ITPR2: variants seen among roughly 807,000 people sequenced by gnomAD.
ITPR2 encodes inositol 1,4,5-trisphosphate receptor type 2.
Under a neutral mutation model 317.1 loss-of-function variants are expected in ITPR2, and 207 were observed. That is an observed-to-expected ratio of 0.65 (90% CI 0.58 to 0.73). The LOEUF (loss-of-function observed/expected upper bound fraction) is 0.73. Ranked by LOEUF, ITPR2 falls within the 30% of genes least tolerant of loss-of-function variation. ITPR2 has a pLI of 0.00. For missense variants in ITPR2, 2,613 were observed against 3,284.0 expected, an observed-to-expected ratio of 0.80 and a Z score of 4.99; for synonymous variants, 1,156 against 1,149.1, an observed-to-expected ratio of 1.01 and a Z score of -0.12.
chr12:26,396,288 C>T (rs888130620), intron 54 of ITPR2, among the ~76,000 whole-genome samples: 1 of 152,162 alleles, frequency 6.6e-6, no homozygotes, highest in South Asian at 2.1e-4. Flanking sequence ...CTCTCAGCCT[C>T]TTCCTGATCT....
chr12:26,437,235 C>T (rs1047228196), intron 47 of ITPR2, among the ~76,000 whole-genome samples: 2 of 152,084 alleles, frequency 1.3e-5, no homozygotes, highest in Non-Finnish European at 2.9e-5. Flanking sequence ...AAACTTAACA[C>T]CAGGATTAAA....
chr12:26,679,571 G>A (rs1054638497), intron 13 of ITPR2, among the ~76,000 whole-genome samples: 1 of 151,954 alleles, frequency 6.6e-6, no homozygotes, highest in African/African-American at 2.4e-5. Context: ...TTTCTTTATG[G>A]TTCTTCTAAT....
At chr12:26,449,488 T>G (rs1941688476) in intron 45 of ITPR2, among the ~76,000 whole-genome samples, 1 of 152,206 alleles carries the variant, frequency 6.6e-6, no homozygotes, top group African/African-American at 2.4e-5. Flanking sequence ...ACTTATTTTC[T>G]TCTTTCAAGC....
At chr12:26,605,120 A>G (rs1244387502) in intron 26 of ITPR2, among the ~76,000 whole-genome samples, 1 of 104,242 alleles carries the variant, frequency 9.6e-6, no homozygotes, top group Non-Finnish European at 2.0e-5. Context: ...AAAAATAAAA[A>G]ATAAAAATAT....
At chr12:26,528,658 C>T (rs181442154) in intron 37 of ITPR2, among the ~76,000 whole-genome samples, 3 of 152,306 alleles carry the variant, frequency 2.0e-5, no homozygotes, top group Admixed American at 6.5e-5. Context: ...TTTGATATTG[C>T]TGTCATCAAG....
chr12:26,733,851 TA>T (rs541644589), intron 2 of ITPR2, among the ~76,000 whole-genome samples: 34 of 151,912 alleles, frequency 2.2e-4, no homozygotes, highest in African/African-American at 5.5e-4. Flanking sequence ...ACACTGATAA[TA>T]AAAAAAATGT....
intron 2 of ITPR2, among the ~76,000 whole-genome samples, chr12:26,786,449 T>TAAAAAAAAAAAAAAAA (rs59014121): frequency 1.1e-4 from 13 of 119,214 alleles, no homozygotes; most frequent in African/African-American, 4.5e-4. Flanking sequence ...GAATGATCAA[T>TAAAAAAAAAAAAAAAA]AAAAAAAAAA....
intron 52 of ITPR2, among the ~76,000 whole-genome samples, chr12:26,403,949 A>G (rs1940262998): frequency 6.6e-6 from 1 of 152,106 alleles, no homozygotes; most frequent in Non-Finnish European, 1.5e-5. Flanking sequence ...GGGAGTTTGG[A>G]TTTTATTGGG....
chr12:26,655,674 C>T, intron 20 of ITPR2, 34 bp downstream of exon 20: 1 of 1,556,052 alleles, frequency 6.4e-7, no homozygotes. Context: ...TACCCAGTTA[C>T]CAAAACATCC....
chr12:26,410,006 G>T (rs139210415), intron 52 of ITPR2, among the ~76,000 whole-genome samples: 80 of 152,278 alleles, frequency 5.3e-4, no homozygotes, highest in African/African-American at 1.9e-3. Context: ...TGGCATTTTA[G>T]CCAAGAGTCA....
intron 37 of ITPR2, among the ~76,000 whole-genome samples, chr12:26,531,680 CACAA>C (rs369602717): frequency 1.3e-3 from 188 of 148,152 alleles, no homozygotes; most frequent in African/African-American, 3.2e-3. Context: ...CACACACACA[CACAA>C]GTGTGTATCT....
chr12:26,499,812 C>A (rs1411563650), intron 37 of ITPR2, among the ~76,000 whole-genome samples: 2 of 152,144 alleles, frequency 1.3e-5, no homozygotes, highest in East Asian at 3.9e-4. Context: ...AACTATTAAT[C>A]AGTCCTTAGA....
rs375118203 is a variant in ITPR2 at position 26,420,420 on chromosome 12, C to A, written c.6946-1207G>T. 8.1e-4 allele frequency among the ~76,000 whole-genome samples: 124 copies of A among 152,194 alleles called. 1 individual carries two copies. The South Asian group carries it at 0.025, about 31-fold the overall frequency. On this transcript the variant is annotated intron_variant, in intron 49 of 56. Coordinates refer to ENST00000381340, the MANE Select transcript of ITPR2 (RefSeq NM_002223.4). ...GATTTTTAAATAACATAAGAAGGAC[C>A]ATAACACTTTGAAGTAGATGTAAAA...
chr12:26,671,830 G>A (rs1338985222), intron 13 of ITPR2, among the ~76,000 whole-genome samples: 1 of 152,242 alleles, frequency 6.6e-6, no homozygotes, highest in South Asian at 2.1e-4. Flanking sequence ...ACACACATAG[G>A]CTCAAAATAA....
intron 34 of ITPR2, among the ~76,000 whole-genome samples, chr12:26,562,475 T>C (rs1358499828): frequency 6.6e-6 from 1 of 152,232 alleles, no homozygotes; most frequent in African/African-American, 2.4e-5. Context: ...GAAATTTATA[T>C]TTTAACAAGT....
chr12:26,727,604 T>A (rs1257893475), intron 2 of ITPR2, among the ~76,000 whole-genome samples: 1 of 152,202 alleles, frequency 6.6e-6, no homozygotes, highest in Non-Finnish European at 1.5e-5. Context: ...TGCTCCTGAG[T>A]GGTGGCTGAG....
chr12:26,553,295 T>C (rs1944574742), intron 36 of ITPR2, among the ~76,000 whole-genome samples: 1 of 152,230 alleles, frequency 6.6e-6, no homozygotes, highest in South Asian at 2.1e-4. Context: ...ATCATTGACC[T>C]ATTCTCTTCT....
chr12:26,695,277 G>A (rs1948318896), intron 10 of ITPR2, among the ~76,000 whole-genome samples: 1 of 152,102 alleles, frequency 6.6e-6, no homozygotes, highest in Non-Finnish European at 1.5e-5. Flanking sequence ...GAATAAAGAA[G>A]CCATGTTGTC....
Position 26,657,808 on chromosome 12 carries a change from C to A in ITPR2, c.2091G>T (p.Trp697Cys). ...DIDDEEVWLY[W>C]IDSNKEPHGK... ...CATGAGGTTCCTTGTTGCTGTCAAT[C>A]CAATAGAGCCAAACTTCTTCATCAT... The change falls in exon 18 of 57, where the codon TGG (tryptophan) becomes TGT (cysteine). Residue 697 changes from tryptophan to cysteine, a missense_variant. Around this residue, in one of 9 missense-constraint regions of ITPR2, gnomAD observed 817 missense variants for 897.6 expected, o/e 0.91. Transcript: ENST00000381340. 6.2e-7 allele frequency: 1 copy of A among 1,614,134 alleles called. No homozygotes were observed. Among genetic ancestry groups the A allele is most frequent in the Non-Finnish European group, 8.5e-7 (1 of 1,180,004 alleles).
Sources: gnomAD v4.1 joint callset for allele counts (sites outside exome capture counted in the v4.1 genomes callset) on GRCh38, gnomAD v4.1.1 for gene constraint, gnomAD v4.1.1 regional missense constraint, MANE v1.5 for transcripts, NCBI Gene and HGNC (gene_info 2026-07-23, HGNC 2026-07-21) for gene names.